Variants in CYP11B2 observed in about 807,000 individuals in gnomAD.
CYP11B2 encodes the protein cytochrome P450 11B2, mitochondrial.
CYP11B2 carries 38 observed loss-of-function variants against 49.3 expected under a neutral mutation model. That is an observed-to-expected ratio of 0.77 (90% CI 0.59 to 1.01). The LOEUF (loss-of-function observed/expected upper bound fraction) is 1.01. CYP11B2 is among the 50% of genes least tolerant of loss of function. The pLI, the probability that CYP11B2 is intolerant of heterozygous loss-of-function variation, is 0.00. For synonymous variants in CYP11B2, 290 were observed against 269.3 expected (o/e 1.08, Z -0.75); for missense variants, 669 against 655.5 (o/e 1.02, Z -0.23).
intron 8 of CYP11B2, 26 bp downstream of exon 8, chr8:142,912,504 C>T: frequency 4.6e-6 from 7 of 1,506,670 alleles, no homozygotes; most frequent in Non-Finnish European, 6.5e-6. Context: ...TGCCCAGGTC[C>T]CGCCCCCGCC....
Position 142,911,590 on chromosome 8 carries a change from C to T in CYP11B2, c.*390G>A, listed in dbSNP as rs965939504. On this transcript the variant is annotated 3_prime_UTR_variant, in exon 9 of 9. Transcript: ENST00000323110. The stretch of plus-strand genomic sequence containing the variant: ...GTCTGCACAGAGGCCCTGGCCAGGG[C>T]GAGAGGGACAGGGACATGTGAGACT... 5.7e-5 allele frequency: 16 copies of T among 278,600 alleles called. No individual in the cohort carries two copies. Among genetic ancestry groups the T allele is most frequent in the Non-Finnish European group, 9.8e-5 (14 of 142,778 alleles). 17.3% of individuals were successfully genotyped at this position (278,600 alleles called of 1,614,324 possible).
rs2130320534 is a variant in CYP11B2, at chr8:142,910,581, G to A, written c.*1399C>T. On this transcript the variant is annotated 3_prime_UTR_variant, in exon 9 of 9. Coordinates refer to ENST00000323110, the MANE Select transcript of CYP11B2 (RefSeq NM_000498.3). The surrounding 1 kb of genome is among the most constrained non-coding windows in gnomAD (Gnocchi z 4.6). ...AATATTTTTCCAAGGTTTATTTTAG[G>A]ATCCCATGATCTAGTGCTGACTAGA... 6.6e-6 allele frequency: 1 copy of A among 152,268 alleles called. No homozygotes were observed. Among genetic ancestry groups the A allele is most frequent in the Non-Finnish European group, 1.5e-5 (1 of 68,022 alleles). 9.4% of individuals were successfully genotyped at this position (152,268 alleles called of 1,614,324 possible).
Position 142,912,686 on chromosome 8 carries a change from G to C in CYP11B2, c.1242C>G (p.Ala414=). 6.2e-7 allele frequency: 1 copy of C among 1,614,122 alleles called. No homozygotes were observed. Among genetic ancestry groups the C allele is most frequent in the Non-Finnish European group, 8.5e-7 (1 of 1,179,986 alleles). Residue 414 remains alanine (A), a synonymous_variant, in exon 8 of 9, where the codon GCC becomes GCG. Transcript: ENST00000323110. ...ACCGCTCAGGCCTCGGGAACAAGGC[G>C]GCATTGCGACCCAGCGAGTAGAGGA... The part of the protein sequence containing the change: ...QVFLYSLGRN[A]ALFPRPERYN...
At chr8:142,916,965 C>A in intron 2 of CYP11B2, 94 bp downstream of exon 2, 3 of 1,549,100 alleles carry the variant, frequency 1.9e-6, no homozygotes, top group Non-Finnish European at 1.7e-6. Flanking sequence ...GGGCCCAGGG[C>A]AGATGTGCTT....
At position 142,912,031 on chromosome 8, in the gene CYP11B2, G is replaced by A. The variant is rs1184556898; in HGVS notation, c.1461C>T (p.Phe487=). Residue 487 remains phenylalanine (F), a synonymous_variant, in exon 9 of 9, where the codon TTC becomes TTT. Coordinates refer to ENST00000323110, the MANE Select transcript of CYP11B2 (RefSeq NM_000498.3). The part of the protein sequence containing the change: ...TQEDIKMVYS[F]ILRPGTSPLL... ...GGGGGGACGTGCCAGGCCTCAATATGAAGCTGTAGACCATCTTTATGTCCT... is the reference window on the plus strand; with the variant it reads ...GGGGGGACGTGCCAGGCCTCAATATAAAGCTGTAGACCATCTTTATGTCCT... 2 of 1,614,076 alleles carry A rather than the reference G, an allele frequency of 1.2e-6. No individual in the cohort carries two copies. Among genetic ancestry groups the A allele is most frequent in the South Asian group, 1.1e-5 (1 of 91,084 alleles).
rs1358037985 is a variant in CYP11B2 at position 142,911,276 on chromosome 8, C to T, written c.*704G>A. 1 of 152,544 alleles carries T rather than the reference C, an allele frequency of 6.6e-6. No individual in the cohort carries two copies. The highest frequency in any genetic ancestry group is 2.4e-5 in the African/African-American group (1 of 41,416). 9.4% of individuals were successfully genotyped at this position (152,544 alleles called of 1,614,324 possible). On this transcript the variant is annotated 3_prime_UTR_variant, in exon 9 of 9. Transcript: ENST00000323110. ...GGGACAGCTCAGGAAGCAGAGGACC[C>T]AACACTCGCTGCTTGAACAAGACCT...
chr8:142,916,550 C>T, intron 2 of CYP11B2: 2 of 375,010 alleles, frequency 5.3e-6, no homozygotes, highest in South Asian at 3.8e-5. Context: ...ACGGAACCAC[C>T]AGCCACCTGC....
At position 142,915,387 on chromosome 8, in the gene CYP11B2, C is replaced by T. The variant is rs1479896526; in HGVS notation, c.396-142G>A. ...CTGGTAGAAGCTGCCTGTTTGTGTTCGAGCTGCAGCCTTTTCTCAGAGCGG... is the reference window on the plus strand; with the variant it reads ...CTGGTAGAAGCTGCCTGTTTGTGTTTGAGCTGCAGCCTTTTCTCAGAGCGG... On this transcript the variant is annotated intron_variant, in intron 2 of 8. Transcript: ENST00000323110. 9.3e-6 allele frequency: 8 copies of T among 856,262 alleles called. No homozygotes were observed. In the East Asian group the frequency reaches 1.1e-4, roughly 11 times the overall value. 53.0% of individuals were successfully genotyped at this position (856,262 alleles called of 1,614,324 possible). A position where few individuals can be genotyped will look rare whatever the true frequency, so the allele number is the denominator to read the frequency against.
At chr8:142,913,519 A>T in intron 5 of CYP11B2, 68 bp from the exon 6 acceptor site, 1 of 1,597,936 alleles carries the variant, frequency 6.3e-7, no homozygotes. Context: ...CACCCCTCCC[A>T]GGACAACCTC....
intron 1 of CYP11B2, 97 bp downstream of exon 1, chr8:142,917,505 G>C: frequency 6.2e-7 from 1 of 1,613,314 alleles, no homozygotes; most frequent in Non-Finnish European, 8.5e-7. Flanking sequence ...AGAGTGCCGG[G>C]ACCTGCTGGG....
At chr8:142,915,628 CCA>C (rs1459744953) in intron 2 of CYP11B2, among the ~76,000 whole-genome samples, 2 of 130,874 alleles carry the variant, frequency 1.5e-5, no homozygotes, top group Non-Finnish European at 3.7e-5. Flanking sequence ...CCCACCTCAC[CCA>C]CACAGTGTCC....
intron 1 of CYP11B2, 141 bp downstream of exon 1, chr8:142,917,461 G>GTGCTGCAC (rs1490517807): frequency 2.5e-6 from 4 of 1,609,940 alleles, no homozygotes; most frequent in Non-Finnish European, 3.4e-6. Context: ...AGACCAGCAT[G>GTGCTGCAC]TGCTGCACTC....
rs891743606 is a variant in CYP11B2 at position 142,911,905 on chromosome 8, A to G, written c.*75T>C. On this transcript the variant is annotated 3_prime_UTR_variant, in exon 9 of 9. Coordinates refer to ENST00000323110, the MANE Select transcript of CYP11B2 (RefSeq NM_000498.3). ...TGACTCAGGAAGCTGTGCACGTGGG[A>G]GAGAAGACAGGTGGCCTGGGGTCAG... 1.9e-6 allele frequency: 3 copies of G among 1,606,292 alleles called. No homozygotes were observed. The highest frequency in any genetic ancestry group is 2.7e-5 in the African/African-American group (2 of 74,356).
rs1337256138 is a variant in CYP11B2, at chr8:142,916,578, GC to G, written c.395+480del. On this transcript the variant is annotated intron_variant, in intron 2 of 8. Transcript: ENST00000323110. ...CCACCTGCGTCCCCACCTGCCTCCT[GC>G]CCCGGACTGTCCCCATCAGGAAGGT... 4 of 391,828 alleles carry G rather than the reference GC, an allele frequency of 1.0e-5. No individual in the cohort carries two copies. In the East Asian group the frequency reaches 2.2e-4, roughly 22 times the overall value. 24.3% of individuals were successfully genotyped at this position (391,828 alleles called of 1,614,324 possible).
intron 2 of CYP11B2, chr8:142,916,413 C>T (rs1282529507): frequency 4.4e-6 from 2 of 456,816 alleles, no homozygotes; most frequent in East Asian, 6.9e-5. Context: ...AACATCCCTG[C>T]AGGTGACCGA....
rs1436600078 is a variant in CYP11B2 at position 142,917,153 on chromosome 8, G to T, written c.301C>A (p.Gln101Lys). The T allele has an allele frequency of 2.5e-6, 4 of 1,614,192 alleles. No homozygotes were observed. The African/African-American group carries it at 5.3e-5, about 22-fold the overall frequency. The change falls in exon 2 of 9, where the codon CAA (glutamine) becomes AAA (lysine). Residue 101 changes from glutamine (Q) to lysine (K), a missense_variant. Gln to Lys is a moderately conservative substitution (Grantham distance 53). Coordinates refer to ENST00000323110, the MANE Select transcript of CYP11B2 (RefSeq NM_000498.3). The part of the protein sequence containing the change: ...VMLPEDVEKL[Q>K]QVDSLHPCRM... ...CAGGGATGCAGGCTGTCCACCTGTTGCAGCTTCTCCACATCCTCCGGCAGC... is the reference window on the plus strand; with the variant it reads ...CAGGGATGCAGGCTGTCCACCTGTTTCAGCTTCTCCACATCCTCCGGCAGC...
In CYP11B2 at chr8:142,917,814, C is replaced by T. The variant is rs1486982344; in HGVS notation, c.27G>A (p.Val9=). ...GGGACAGCCAGGGCGCTGCCACGCACACCTCTGCCTTTGCCCTGAGTGCCA... is the reference window on the plus strand; with the variant it reads ...GGGACAGCCAGGGCGCTGCCACGCATACCTCTGCCTTTGCCCTGAGTGCCA... MALRAKAE[V]CVAAPWLSLQ... is the part of the protein sequence containing the mutation. Residue 9 remains valine, a synonymous_variant, in exon 1 of 9, where the codon GTG becomes GTA. Coordinates refer to ENST00000323110, the MANE Select transcript of CYP11B2 (RefSeq NM_000498.3). The T allele has an allele frequency of 5.6e-6, 9 of 1,614,132 alleles. No homozygotes were observed. Among genetic ancestry groups the T allele is most frequent in the Non-Finnish European group, 7.6e-6 (9 of 1,180,044 alleles).
chr8:142,913,393 T>C lies in CYP11B2; in HGVS notation c.1013A>G (p.Gln338Arg), dbSNP rs1206693211. ...GGCCAGGCTCTCCTGGCGCAGGATCTGCTGCACGTCGGGGTTCCGAGCCAG... is the reference window on the plus strand; with the variant it reads ...GGCCAGGCTCTCCTGGCGCAGGATCCGCTGCACGTCGGGGTTCCGAGCCAG... ...FELARNPDVQ[Q>R]ILRQESLAAA... is the part of the protein sequence containing the mutation. Residue 338 changes from glutamine to arginine, a missense_variant, in exon 6 of 9, where the codon CAG (glutamine) becomes CGG (arginine). By Grantham distance (43) the Gln-to-Arg change is conservative. Transcript: ENST00000323110. The C allele has an allele frequency of 1.2e-6, 2 of 1,613,930 alleles. No homozygotes were observed. Among genetic ancestry groups the C allele is most frequent in the Admixed American group, 3.3e-5 (2 of 60,022 alleles).
Position 142,914,464 on chromosome 8 carries a change from G to A in CYP11B2, c.800-46C>T, listed in dbSNP as rs57166526. ...AGCCCTCAGATCTTGGTGCTGGGAA[G>A]CATCCTTCAGTGTCCTCCTCCTGCC... On this transcript the variant is annotated intron_variant, in intron 4 of 8. Coordinates refer to ENST00000323110, the MANE Select transcript of CYP11B2 (RefSeq NM_000498.3). 0.029 allele frequency: 44,974 copies of A among 1,553,826 alleles called. 5,457 individuals are homozygous for A. The African/African-American group carries it at 0.36, about 12-fold the overall frequency.
Sources: allele counts gnomAD v4.1 joint callset (sites outside exome capture counted in the v4.1 genomes callset), GRCh38; gene constraint gnomAD v4.1.1; non-coding constraint Gnocchi (gnomAD v3.1); transcripts MANE v1.5; gene names NCBI Gene and HGNC (gene_info 2026-07-23, HGNC 2026-07-21).